Variants in MCC observed in about 807,000 individuals in gnomAD.
MCC encodes colorectal mutant cancer protein.
MCC carries 90 observed loss-of-function variants against 116.2 expected under a neutral mutation model. That is an observed-to-expected ratio of 0.77 (90% CI 0.65 to 0.92). The LOEUF is 0.92. MCC is among the 40% of genes least tolerant of loss of function. MCC has a pLI of 0.00. For synonymous variants in MCC, 578 were observed against 510.5 expected, an observed-to-expected ratio of 1.13 and a Z score of -1.78; for missense variants, 1,516 against 1,312.2, an observed-to-expected ratio of 1.16 and a Z score of -2.40.
intron 3 of MCC, among the ~76,000 whole-genome samples, chr5:113,327,561 A>AAAAAATATATATATATATATATAT (rs1480996383): frequency 2.5e-5 from 2 of 80,578 alleles, no homozygotes; most frequent in African/African-American, 5.0e-5. Context: ...AAAAAAAAAA[A>AAAAAATATATATATATATATATAT]ATATATATAT....
intron 3 of MCC, among the ~76,000 whole-genome samples, chr5:113,235,614 G>A (rs763599998): frequency 2.6e-5 from 4 of 152,168 alleles, no homozygotes; most frequent in African/African-American, 4.8e-5. Flanking sequence ...ACAGTGCTTC[G>A]CAACTCTCTC....
At chr5:113,057,946 CT>C (rs1173487008) in intron 14 of MCC, among the ~76,000 whole-genome samples, 1 of 152,256 alleles carries the variant, frequency 6.6e-6, no homozygotes, top group Non-Finnish European at 1.5e-5. Context: ...GACAGCAGCA[CT>C]TCTCTTCCAG....
intron 3 of MCC, among the ~76,000 whole-genome samples, chr5:113,227,583 T>A (rs1763791509): frequency 6.6e-6 from 1 of 152,228 alleles, no homozygotes; most frequent in Admixed American, 6.5e-5. Flanking sequence ...ATTTATAGAA[T>A]AATATCCCTT....
chr5:113,352,138 T>A (rs938553128), intron 2 of MCC, among the ~76,000 whole-genome samples: 1 of 152,196 alleles, frequency 6.6e-6, no homozygotes, highest in Non-Finnish European at 1.5e-5. Context: ...TATAGTAGAC[T>A]GTTCCCATTA....
rs117369785 is a variant in MCC, at chr5:113,403,733, G to A, written c.171-18521C>T. Among the ~76,000 whole-genome samples, 242 of 152,316 alleles carry A rather than the reference G, an allele frequency of 1.6e-3. 4 individuals are homozygous for A. In the East Asian group the frequency reaches 0.035, roughly 22 times the overall value. ...AGGGAGCGAGCTGTAAGCCCCCAGCGGGATTGCCATCAGGGAGCCAGACCC... is the reference window on the plus strand; with the variant it reads ...AGGGAGCGAGCTGTAAGCCCCCAGCAGGATTGCCATCAGGGAGCCAGACCC... On this transcript the variant is annotated intron_variant, in intron 1 of 18. Coordinates refer to ENST00000408903, the MANE Select transcript of MCC (RefSeq NM_001085377.2).
rs993875412 is a variant in MCC, at chr5:113,340,567, C to T, written c.579G>A (p.Pro193=). Residue 193 remains proline, a synonymous_variant, in exon 3 of 19, where the codon CCG becomes CCA. Coordinates refer to ENST00000408903, the MANE Select transcript of MCC (RefSeq NM_001085377.2). ...AALHKLLTQS[P]HIGNSVGGSY... ...TTCCTCCTACAGAGTTGCCAATGTG[C>T]GGGGACTGTGTGAGCAGTTTGTGGA... 5.0e-6 allele frequency: 8 copies of T among 1,614,014 alleles called. No individual in the cohort carries two copies. The highest frequency in any genetic ancestry group is 1.7e-5 in the Admixed American group (1 of 59,992).
Position 113,023,475 on chromosome 5 carries a change from T to C in MCC, c.*3827A>G, listed in dbSNP as rs937841213. On this transcript the variant is annotated 3_prime_UTR_variant, in exon 19 of 19. Coordinates refer to ENST00000408903, the MANE Select transcript of MCC (RefSeq NM_001085377.2). Reference sequence around the variant, plus strand: ...TTCTGCAGAAAAAAAATGTTACTTATGCTCCACCTCCCCAGCCCTCACTAA... The same window carrying C: ...TTCTGCAGAAAAAAAATGTTACTTACGCTCCACCTCCCCAGCCCTCACTAA... 1.3e-5 allele frequency: 2 copies of C among 152,330 alleles called. No individual in the cohort carries two copies. The highest frequency in any genetic ancestry group is 6.5e-5 in the Admixed American group (1 of 15,284). 9.4% of individuals were successfully genotyped at this position (152,330 alleles called of 1,614,324 possible). A position where few individuals can be genotyped will look rare whatever the true frequency, so the allele number is the denominator to read the frequency against.
At chr5:113,384,878 G>A in intron 2 of MCC, 90 bp downstream of exon 2, 1 of 1,466,394 alleles carries the variant, frequency 6.8e-7, no homozygotes, top group Non-Finnish European at 9.4e-7. Context: ...TGAGGCTGTG[G>A]CCTCATGATG....
chr5:113,406,870 G>A (rs1769849273), intron 1 of MCC, among the ~76,000 whole-genome samples: 1 of 152,152 alleles, frequency 6.6e-6, no homozygotes, highest in African/African-American at 2.4e-5. Context: ...AGATTTCAAA[G>A]GTGGGAGCAA....
intron 8 of MCC, 144 bp from the exon 9 acceptor site, chr5:113,085,454 C>G: frequency 1.5e-6 from 1 of 656,904 alleles, no homozygotes; most frequent in South Asian, 2.3e-5. Context: ...ACATAAAAGT[C>G]ATTATATTCC....
At chr5:113,456,301 A>C (rs1392292099) in intron 1 of MCC, among the ~76,000 whole-genome samples, 1 of 152,178 alleles carries the variant, frequency 6.6e-6, no homozygotes, top group Admixed American at 6.5e-5. Context: ...GGGGAAATTA[A>C]ATCCTTTTAT....
intron 3 of MCC, among the ~76,000 whole-genome samples, chr5:113,272,949 C>A (rs1747024846): frequency 6.6e-6 from 1 of 152,174 alleles, no homozygotes; most frequent in South Asian, 2.1e-4. Flanking sequence ...GACTAAATAG[C>A]TGCTGTTTCT....
intron 2 of MCC, among the ~76,000 whole-genome samples, chr5:113,349,867 C>T (rs888599435): frequency 6.6e-6 from 1 of 151,868 alleles, no homozygotes; most frequent in Non-Finnish European, 1.5e-5. Context: ...AATCAACATA[C>T]AAAAATCAGT....
chr5:113,286,688 T>C (rs1357459974), intron 3 of MCC, among the ~76,000 whole-genome samples: 1 of 152,214 alleles, frequency 6.6e-6, no homozygotes, highest in Non-Finnish European at 1.5e-5. Flanking sequence ...ACTCAACATA[T>C]GGTTTTTGGT....
At chr5:113,488,155 C>T in intron 1 of MCC, 90 bp downstream of exon 1, 1 of 1,319,572 alleles carries the variant, frequency 7.6e-7, no homozygotes, top group Non-Finnish European at 1.0e-6. Context: ...CAACTTGCCG[C>T]AAGTTGGGGC....
rs1772612992 is a variant in MCC at position 113,488,352 on chromosome 5, G to GCCA, written c.62_63insTGG (p.Gly21dup). 1 of 1,306,982 alleles carries GCCA rather than the reference G, an allele frequency of 7.7e-7. No individual in the cohort carries two copies. The highest frequency in any genetic ancestry group is 1.0e-6 in the Non-Finnish European group (1 of 998,406). The allele number at this position is 1,306,982 out of a possible 1,614,324, so 81.0% of individuals were successfully genotyped here. A position where few individuals can be genotyped will look rare whatever the true frequency, so the allele number is the denominator to read the frequency against. On this transcript the variant is annotated inframe_insertion, in exon 1 of 19. Coordinates refer to ENST00000408903, the MANE Select transcript of MCC (RefSeq NM_001085377.2). The stretch of plus-strand genomic sequence containing the variant: ...CGCTGCTGCTGCTGCTGCTGCCGCT[G>GCCA]CCGCCGCCGCCGCCGCCGCTGCTGG...
chr5:113,288,015 T>A (rs771219109), intron 3 of MCC, among the ~76,000 whole-genome samples: 1 of 152,258 alleles, frequency 6.6e-6, no homozygotes, highest in Non-Finnish European at 1.5e-5. Context: ...TCATATCACA[T>A]GTTCTCCTTT....
intron 5 of MCC, among the ~76,000 whole-genome samples, chr5:113,126,043 G>C (rs1014670873): frequency 6.6e-6 from 1 of 152,130 alleles, no homozygotes; most frequent in African/African-American, 2.4e-5. Flanking sequence ...TATAATAATG[G>C]AATGACAAAG....
chr5:113,238,027 G>A (rs1051329023), intron 3 of MCC, among the ~76,000 whole-genome samples: 2 of 152,186 alleles, frequency 1.3e-5, no homozygotes, highest in African/African-American at 4.8e-5. Flanking sequence ...CTTTACCAAA[G>A]AGAGCTCAAA....
Sources: allele counts gnomAD v4.1 joint callset (sites outside exome capture counted in the v4.1 genomes callset), GRCh38; gene constraint gnomAD v4.1.1; transcripts MANE v1.5; gene names NCBI Gene and HGNC (gene_info 2026-07-23, HGNC 2026-07-21).